Variants in GRPEL1 observed in about 807,000 individuals in gnomAD.
The protein encoded by GRPEL1 is GrpE like 1, mitochondrial.
GRPEL1 carries 13 observed loss-of-function variants against 22.1 expected under a neutral mutation model. The observed-to-expected ratio is 0.59, with a 90% CI of 0.38 to 0.94. The LOEUF (loss-of-function observed/expected upper bound fraction) is 0.94, where lower values mean the gene tolerates loss of function less well. Among genes scored for constraint, GRPEL1 ranks in the 40% least tolerant of loss-of-function variants. GRPEL1 has a pLI of 0.00. For synonymous variants in GRPEL1, 109 were observed against 105.3 expected (o/e 1.03, Z -0.21); for missense variants, 289 against 264.6 (o/e 1.09, Z -0.64).
chr4:7,061,113 G>T lies in GRPEL1; in HGVS notation c.403C>A (p.Pro135Thr). ...CCCTCATAGAGGTTCTTCAGGTGAG[G>T]GTTATCGTCTTTAATTTCTTCTTTT... is the stretch of plus-strand genomic sequence containing the variant. Reference protein sequence around the residue: ...VPKEEIKDDNPHLKNLYEGLV... With the variant: ...VPKEEIKDDNTHLKNLYEGLV... Residue 135 changes from proline to threonine, a missense_variant, in exon 4 of 4, where the codon CCT becomes ACT. Transcript: ENST00000264954. 1.2e-6 allele frequency: 2 copies of T among 1,614,170 alleles called. No individual in the cohort carries two copies. Among genetic ancestry groups the T allele is most frequent in the Non-Finnish European group, 1.7e-6 (2 of 1,180,032 alleles).
intron 3 of GRPEL1, chr4:7,062,131 C>T (rs1724054508): frequency 1.2e-5 from 3 of 258,916 alleles, no homozygotes; most frequent in Non-Finnish European, 1.5e-5. Context: ...TGACCTGCTG[C>T]AGGTTCCCAC....
chr4:7,063,550 A>G (rs1269924844), intron 2 of GRPEL1, among the ~76,000 whole-genome samples: 1 of 152,202 alleles, frequency 6.6e-6, no homozygotes, highest in Non-Finnish European at 1.5e-5. Context: ...CAGGATTAAC[A>G]TATGTAACGG....
At position 7,064,022 on chromosome 4, in the gene GRPEL1, C is replaced by T. The variant is rs564417570; in HGVS notation, c.225+39G>A. ...TATGTGGCCCAGGAGAGAAACAGTT[C>T]AGCCGAGCCCGCCCCCACAGGAGCC... is the stretch of plus-strand genomic sequence containing the variant. On this transcript the variant is annotated intron_variant, in intron 2 of 3. Coordinates refer to ENST00000264954, the MANE Select transcript of GRPEL1 (RefSeq NM_025196.4). 8.1e-6 allele frequency: 13 copies of T among 1,596,852 alleles called. No individual in the cohort carries two copies. In the South Asian group the frequency reaches 1.1e-4, roughly 14 times the overall value.
intron 1 of GRPEL1, among the ~76,000 whole-genome samples, chr4:7,065,978 C>G (rs4689587): frequency 1.3e-5 from 2 of 151,754 alleles, no homozygotes; most frequent in African/African-American, 4.8e-5. Flanking sequence ...CTCAGCCTGC[C>G]GAGTAGCTGG....
At chr4:7,067,878 G>GACC in intron 1 of GRPEL1, 93 bp downstream of exon 1, 2 of 1,343,502 alleles carry the variant, frequency 1.5e-6, no homozygotes, top group Non-Finnish European at 2.1e-6. Flanking sequence ...CCGGGGCCGA[G>GACC]GCCGGGAAGG....
In GRPEL1 at chr4:7,061,208, C is replaced by A. The variant is rs761781332; in HGVS notation, c.308G>T (p.Gly103Val). The A allele has an allele frequency of 6.2e-7, 1 of 1,604,106 alleles. No homozygotes were observed. Among genetic ancestry groups the A allele is most frequent in the Non-Finnish European group, 8.5e-7 (1 of 1,175,032 alleles). The stretch of plus-strand genomic sequence containing the variant: ...CAAGTCCTTGCAGAAGGCTTGAATG[C>A]CTGGATGAAGTTAAAGAAGATCATT... ...QKLVEEAKLYGIQAFCKDLLE... is the reference protein window; with the variant it reads ...QKLVEEAKLYVIQAFCKDLLE... The change falls in exon 4 of 4, where the codon GGC becomes GTC. Residue 103 changes from glycine to valine, a missense_variant and splice_region_variant. Coordinates refer to ENST00000264954, the MANE Select transcript of GRPEL1 (RefSeq NM_025196.4).
Position 7,067,953 on chromosome 4 carries a change from A to G in GRPEL1, c.62+18T>C. 1.2e-6 allele frequency: 2 copies of G among 1,612,832 alleles called. No homozygotes were observed. Among genetic ancestry groups the G allele is most frequent in the South Asian group, 1.1e-5 (1 of 91,028 alleles). ...GTCGCGCTGCCACCTCCACCCAGGG[A>G]GACCAAGTGCCCCTTACCTGAGAGA... On this transcript the variant is annotated intron_variant, in intron 1 of 3. Coordinates refer to ENST00000264954, the MANE Select transcript of GRPEL1 (RefSeq NM_025196.4).
At chr4:7,066,651 G>A (rs1724176130) in intron 1 of GRPEL1, among the ~76,000 whole-genome samples, 1 of 152,190 alleles carries the variant, frequency 6.6e-6, no homozygotes, top group Non-Finnish European at 1.5e-5. Context: ...TGTTCTGCCT[G>A]GGGGTGTGAC....
intron 1 of GRPEL1, 22 bp from the exon 2 acceptor site, chr4:7,064,245 A>C: frequency 6.3e-7 from 1 of 1,592,502 alleles, no homozygotes; most frequent in Non-Finnish European, 8.6e-7. Context: ...TCCACACGTG[A>C]GAAACGAAGA....
intron 1 of GRPEL1, among the ~76,000 whole-genome samples, chr4:7,064,852 T>C (rs1195169191): frequency 6.6e-6 from 1 of 152,126 alleles, no homozygotes. Flanking sequence ...TACAGTATGG[T>C]GGCACAATCA....
chr4:7,067,943 C>A lies in GRPEL1; in HGVS notation c.62+28G>T. ...GGAGCGGGAGGTCGCGCTGCCACCTCCACCCAGGGAGACCAAGTGCCCCTT... is the reference window on the plus strand; with the variant it reads ...GGAGCGGGAGGTCGCGCTGCCACCTACACCCAGGGAGACCAAGTGCCCCTT... On this transcript the variant is annotated intron_variant, in intron 1 of 3. Transcript: ENST00000264954. 1 of 1,611,250 alleles carries A rather than the reference C, an allele frequency of 6.2e-7. No homozygotes were observed. Among genetic ancestry groups the A allele is most frequent in the Non-Finnish European group, 8.5e-7 (1 of 1,178,716 alleles).
At chr4:7,062,490 T>TTATATA (rs59986387) in intron 2 of GRPEL1, 24 bp from the exon 3 acceptor site, 140 of 616,818 alleles carry the variant, frequency 2.3e-4, no homozygotes, top group Middle Eastern at 4.0e-4. Flanking sequence ...AAAGGGATAT[T>TTATATA]TATATATATA....
rs146344096 is a variant in GRPEL1, at chr4:7,065,850, G to A, written c.63-1627C>T. Among the ~76,000 whole-genome samples, 955 of 129,246 alleles carry A rather than the reference G, an allele frequency of 7.4e-3. 13 individuals carry two copies. Among genetic ancestry groups the A allele is most frequent in the Non-Finnish European group, 6.7e-3 (411 of 61,334 alleles). The allele number at this position is 129,246 out of a possible 152,430, so 84.8% of individuals were successfully genotyped here. A position where few individuals can be genotyped will look rare whatever the true frequency, so the allele number is the denominator to read the frequency against. ...CCTAGATTTCTTCACCAGGACCAGA[G>A]GACCTCTTTTTTTTTTTTTTTGAGA... On this transcript the variant is annotated intron_variant, in intron 1 of 3. Coordinates refer to ENST00000264954, the MANE Select transcript of GRPEL1 (RefSeq NM_025196.4).
chr4:7,065,997 G>A (rs543364963), intron 1 of GRPEL1, among the ~76,000 whole-genome samples: 42 of 152,208 alleles, frequency 2.8e-4, no homozygotes, highest in African/African-American at 9.4e-4. Context: ...GGGACTATAG[G>A]CGTCCACCAA....
chr4:7,062,276 A>AC (rs11422620), intron 3 of GRPEL1, 109 bp downstream of exon 3: 211,373 of 309,426 alleles, frequency 0.68, 77,237 homozygotes, highest in South Asian at 0.78. Context: ...CAACAGCTGG[A>AC]CCCCCCACCC....
chr4:7,066,368 AT>A (rs1724169086), intron 1 of GRPEL1, among the ~76,000 whole-genome samples: 1 of 152,252 alleles, frequency 6.6e-6, no homozygotes, highest in African/African-American at 2.4e-5. Context: ...ACTGCCATTT[AT>A]TGGATACACT....
chr4:7,062,312 G>T, intron 3 of GRPEL1, 73 bp downstream of exon 3: 4 of 557,886 alleles, frequency 7.2e-6, no homozygotes, highest in Middle Eastern at 3.1e-4. Context: ...TGACACTTCC[G>T]TATGCATGGC....
Position 7,061,006 on chromosome 4 carries a change from G to A in GRPEL1, c.510C>T (p.Phe170=), listed in dbSNP as rs770425209. Residue 170 remains phenylalanine (F), a synonymous_variant, in exon 4 of 4, where the codon TTC becomes TTT. Transcript: ENST00000264954. ...ACAAGGCCTCATGTTCATAAGGGTC[G>A]AACTTGGCTCCGACAGGGTTCAACT... ...LLKLNPVGAK[F]DPYEHEALFH... is the part of the protein sequence containing the mutation. 18 of 1,614,190 alleles carry A rather than the reference G, an allele frequency of 1.1e-5. No individual in the cohort carries two copies. The highest frequency in any genetic ancestry group is 2.7e-5 in the African/African-American group (2 of 75,024).
chr4:7,064,344 A>T, intron 1 of GRPEL1, 121 bp from the exon 2 acceptor site: 3 of 984,562 alleles, frequency 3.0e-6, no homozygotes, highest in Non-Finnish European at 4.4e-6. Context: ...GGGAGAAAAC[A>T]TTTCTGTTAG....
Sources: allele counts gnomAD v4.1 joint callset (sites outside exome capture counted in the v4.1 genomes callset), GRCh38; gene constraint gnomAD v4.1.1; transcripts MANE v1.5; gene names NCBI Gene and HGNC (gene_info 2026-07-23, HGNC 2026-07-21).